AGO2: variants seen among roughly 807,000 people sequenced by gnomAD.
The protein encoded by AGO2 is protein argonaute-2.
In AGO2, 5 loss-of-function variants were observed where a neutral mutation model predicts 102.3. That is an observed-to-expected ratio of 0.05 (90% CI 0.03 to 0.10). AGO2 has a LOEUF of 0.10. Among genes scored for constraint, AGO2 ranks in the 10% least tolerant of loss-of-function variants. The pLI is 1.00. For missense variants in AGO2, 541 were observed against 1,183.7 expected (o/e 0.46, Z 7.97); for synonymous variants, 449 against 473.1 (o/e 0.95, Z 0.66).
At chr8:140,630,242 G>A (rs2074325227) in intron 1 of AGO2, among the ~76,000 whole-genome samples, 2 of 152,200 alleles carry the variant, frequency 1.3e-5, no homozygotes, top group Non-Finnish European at 2.9e-5. Context: ...TTGAATCTGA[G>A]AGGCCGCCCG....
At chr8:140,635,045 G>A (rs1208166003) in intron 1 of AGO2, among the ~76,000 whole-genome samples, 3 of 149,764 alleles carry the variant, frequency 2.0e-5, no homozygotes, top group Admixed American at 6.6e-5. Context: ...GGGTCAGGCC[G>A]GGCCGGGCTG....
chr8:140,521,683 C>T lies in AGO2; in HGVS notation c.*10361G>A, dbSNP rs946212091. 1 of 152,288 alleles carries T rather than the reference C, an allele frequency of 6.6e-6. No individual in the cohort carries two copies. The highest frequency in any genetic ancestry group is 2.4e-5 in the African/African-American group (1 of 41,476). The allele number at this position is 152,288 out of a possible 1,614,324, so 9.4% of individuals were successfully genotyped here. On this transcript the variant is annotated 3_prime_UTR_variant, in exon 19 of 19. Coordinates refer to ENST00000220592, the MANE Select transcript of AGO2 (RefSeq NM_012154.5). ...AACTTACAGGCACACAGGGCCGCTG[C>T]TGAATGCAGGCCTCTGCCTCCACAA...
At chr8:140,595,957 A>ATATATAC (rs1491136421) in intron 1 of AGO2, among the ~76,000 whole-genome samples, 2 of 126,334 alleles carry the variant, frequency 1.6e-5, no homozygotes, top group African/African-American at 6.1e-5. Context: ...TTTATATATA[A>ATATATAC]TATATATAAA....
chr8:140,554,670 T>TA (rs1374997304), intron 10 of AGO2, among the ~76,000 whole-genome samples: 1 of 152,142 alleles, frequency 6.6e-6, no homozygotes, highest in African/African-American at 2.4e-5. Context: ...CTGAAACATT[T>TA]AAAAAACAGA....
Position 140,557,199 on chromosome 8 carries a change from A to T in AGO2, c.916T>A (p.Cys306Ser). Residue 306 changes from cysteine to serine, a missense_variant, in exon 8 of 19, where the codon TGC (cysteine) becomes AGC (serine). By Grantham distance (112) the Cys-to-Ser change is moderately radical. Around this residue, in one of 6 missense-constraint regions of AGO2, gnomAD observed 38 missense variants for 68.1 expected, o/e 0.56. Transcript: ENST00000220592. This position sits in a 1 kb window ranked among gnomAD's most constrained non-coding sequence, Gnocchi z 5.9. ...LQQESGQTVE[C>S]TVAQYFKDRH... is the part of the protein sequence containing the mutation. Reference sequence around the variant, plus strand: ...TCCTTGAAATACTGGGCCACCGTGCACTCCACCGTCTGCCCGCTCTCCTGC... The same window carrying T: ...TCCTTGAAATACTGGGCCACCGTGCTCTCCACCGTCTGCCCGCTCTCCTGC... The T allele has an allele frequency of 6.2e-7, 1 of 1,613,794 alleles. No homozygotes were observed. The highest frequency in any genetic ancestry group is 1.1e-5 in the South Asian group (1 of 91,066).
chr8:140,621,785 T>C (rs747152596), intron 1 of AGO2, among the ~76,000 whole-genome samples: 16 of 152,174 alleles, frequency 1.1e-4, no homozygotes, highest in Non-Finnish European at 1.8e-4. Flanking sequence ...GTTCAGAGGA[T>C]AGTAACAAGT....
At chr8:140,627,025 A>G (rs2074286770) in intron 1 of AGO2, among the ~76,000 whole-genome samples, 1 of 152,170 alleles carries the variant, frequency 6.6e-6, no homozygotes, top group South Asian at 2.1e-4. Context: ...CCACACACAC[A>G]GGACACTGAT....
chr8:140,599,497 G>A (rs1344923202), intron 1 of AGO2, among the ~76,000 whole-genome samples: 1 of 152,114 alleles, frequency 6.6e-6, no homozygotes, highest in Non-Finnish European at 1.5e-5. Context: ...GCCTGTGAAT[G>A]CCCCCAACCC....
rs10088580 is a variant in AGO2 at position 140,535,092 on chromosome 8, T to C, written c.2271+376A>G. The stretch of plus-strand genomic sequence containing the variant: ...GTGAATCGACGCCAAGTCTGCCCCA[T>C]GCGGCCCCTGCAGCAGCTGCCCAGT... On this transcript the variant is annotated intron_variant, in intron 17 of 18. Coordinates refer to ENST00000220592, the MANE Select transcript of AGO2 (RefSeq NM_012154.5). Among the ~76,000 whole-genome samples the C allele has an allele frequency of 5.7e-3, 867 of 152,300 alleles. 10 individuals carry two copies. The highest frequency in any genetic ancestry group is 0.02 in the African/African-American group (812 of 41,576).
chr8:140,595,973 T>C (rs911844106), intron 1 of AGO2, among the ~76,000 whole-genome samples: 4 of 105,144 alleles, frequency 3.8e-5, no homozygotes, highest in South Asian at 2.7e-4. Context: ...ATAAATTATA[T>C]ATATTATATA....
chr8:140,577,270 G>C (rs1749463992), intron 2 of AGO2, among the ~76,000 whole-genome samples: 1 of 150,470 alleles, frequency 6.6e-6, no homozygotes, highest in Non-Finnish European at 1.5e-5. Context: ...AGGAGGAACA[G>C]GTATACAATG....
At chr8:140,599,439 C>T (rs372650023) in intron 1 of AGO2, among the ~76,000 whole-genome samples, 1 of 152,162 alleles carries the variant, frequency 6.6e-6, no homozygotes, top group Non-Finnish European at 1.5e-5. Context: ...ATGATGAAGA[C>T]GAAGCCTGCC....
At chr8:140,561,149 C>T (rs926476370) in intron 4 of AGO2, among the ~76,000 whole-genome samples, 5 of 152,266 alleles carry the variant, frequency 3.3e-5, no homozygotes, top group African/African-American at 9.6e-5. Context: ...GCTGGAGCTA[C>T]TCGACTGAAG....
intron 1 of AGO2, among the ~76,000 whole-genome samples, chr8:140,630,666 A>G (rs2074331133): frequency 6.6e-6 from 1 of 152,168 alleles, no homozygotes; most frequent in African/African-American, 2.4e-5. Context: ...TCCCAACCCA[A>G]CACTGGGGAG....
chr8:140,635,552 G>A lies in AGO2; in HGVS notation c.-46C>T, dbSNP rs2074397717. ...CCGGGGCCGAGGGGCGGCCGCGCGC[G>A]CGCCACGGGCCCCGACGCCGCGAGC... is the stretch of plus-strand genomic sequence containing the variant. On this transcript the variant is annotated 5_prime_UTR_variant, in exon 1 of 19. Transcript: ENST00000220592. 3 of 977,844 alleles carry A rather than the reference G, an allele frequency of 3.1e-6. No individual in the cohort carries two copies. The highest frequency in any genetic ancestry group is 1.8e-5 in the African/African-American group (1 of 56,422). The allele number at this position is 977,844 out of a possible 1,614,324, so 60.6% of individuals were successfully genotyped here. A position where few individuals can be genotyped will look rare whatever the true frequency, so the allele number is the denominator to read the frequency against.
chr8:140,622,336 C>T (rs367987065), intron 1 of AGO2, among the ~76,000 whole-genome samples: 29 of 54,210 alleles, frequency 5.3e-4, no homozygotes, highest in South Asian at 9.6e-4. Flanking sequence ...GGTCTCCTCT[C>T]GGGGGAATAA....
intron 1 of AGO2, chr8:140,592,078 C>A (rs1224704497): frequency 2.6e-5 from 4 of 151,730 alleles, no homozygotes; most frequent in African/African-American, 9.7e-5. Flanking sequence ...TGAGATCGCA[C>A]CCTTGTACTC....
chr8:140,558,707 G>A, intron 6 of AGO2, 135 bp from the exon 7 acceptor site: 1 of 909,350 alleles, frequency 1.1e-6, no homozygotes, highest in Non-Finnish European at 1.7e-6. Flanking sequence ...CCCCTAGGGA[G>A]GGTGACCCAC....
Position 140,597,475 on chromosome 8 carries a change from C to G in AGO2, c.23-12164G>C, listed in dbSNP as rs1390274666. On this transcript the variant is annotated intron_variant, in intron 1 of 18. Coordinates refer to ENST00000220592, the MANE Select transcript of AGO2 (RefSeq NM_012154.5). ...CGATGGGGGCTGGGTGGCCCCCCCA[C>G]CCCCCCCCCCCCGCCCCAGGCCTCC... 3.3e-4 allele frequency among the ~76,000 whole-genome samples: 4 copies of G among 12,002 alleles called. No individual in the cohort carries two copies. The South Asian group carries it at 8.3e-3, about 25-fold the overall frequency. The allele number at this position is 12,002 out of a possible 152,430, so 7.9% of individuals were successfully genotyped here.
Sources: allele counts gnomAD v4.1 joint callset (sites outside exome capture counted in the v4.1 genomes callset), GRCh38; gene constraint gnomAD v4.1.1; regional missense constraint gnomAD v4.1.1; non-coding constraint Gnocchi (gnomAD v3.1); transcripts MANE v1.5; gene names NCBI Gene and HGNC (gene_info 2026-07-23, HGNC 2026-07-21).